ATP11B: variants seen among roughly 807,000 people sequenced by gnomAD.
The protein encoded by ATP11B is ATPase phospholipid transporting 11B (putative), also known as phospholipid-transporting ATPase IF.
In ATP11B, 81 loss-of-function variants were observed where a neutral mutation model predicts 157.8. The observed-to-expected ratio is 0.51, with a 90% CI of 0.43 to 0.62. ATP11B has a LOEUF of 0.62. Among genes scored for constraint, ATP11B ranks in the 20% least tolerant of loss-of-function variants. The probability of loss-of-function intolerance (pLI) is 0.00; values close to 1 mark genes in which losing one functional copy is unlikely to be tolerated. For synonymous variants in ATP11B, 451 were observed against 469.4 expected (o/e 0.96, Z 0.51); for missense variants, 1,165 against 1,402.2 (o/e 0.83, Z 2.70).
intron 29 of ATP11B, chr3:182,914,271 G>C (rs1724997674): frequency 6.7e-6 from 8 of 1,187,330 alleles, no homozygotes; most frequent in African/African-American, 1.6e-5. Flanking sequence ...TGCTCAGTAG[G>C]AGTGTGTTTA....
Position 182,899,862 on chromosome 3 carries a change from TCA to T in ATP11B, c.3318+1091_3318+1092del, listed in dbSNP as rs564476058. ...GACTAGTACGTGAGCTAGAAATCTC[TCA>T]GTTTGTCCTTTTAACTCTATCGTAT... is the stretch of plus-strand genomic sequence containing the variant. On this transcript the variant is annotated intron_variant, in intron 28 of 29. Coordinates refer to ENST00000323116, the MANE Select transcript of ATP11B (RefSeq NM_014616.3). Among the ~76,000 whole-genome samples the T allele has an allele frequency of 1.0e-3, 150 of 147,664 alleles. 1 individual carries two copies. In the Middle Eastern group the frequency reaches 0.027, roughly 27 times the overall value.
At chr3:182,915,938 G>T in intron 29 of ATP11B, 1 of 981,202 alleles carries the variant, frequency 1.0e-6, no homozygotes. Flanking sequence ...TGCCCTTCCA[G>T]GTTTCTCCAA....
chr3:182,891,961 A>G (rs1244610099), intron 25 of ATP11B, among the ~76,000 whole-genome samples: 1 of 152,372 alleles, frequency 6.6e-6, no homozygotes, highest in African/African-American at 2.4e-5. Flanking sequence ...AGCATTAAGC[A>G]TAGTGGCTAG....
chr3:182,825,815 G>A (rs1232688590), intron 2 of ATP11B, among the ~76,000 whole-genome samples: 3 of 151,924 alleles, frequency 2.0e-5, no homozygotes, highest in Non-Finnish European at 4.4e-5. Context: ...CATGAGAATC[G>A]CTTGAACTCA....
intron 8 of ATP11B, chr3:182,843,519 A>G (rs1331886062): frequency 6.6e-6 from 1 of 152,218 alleles, no homozygotes; most frequent in African/African-American, 2.4e-5. Context: ...TTAGTGGTCA[A>G]TCCAGAACCG....
chr3:182,849,328 G>A (rs1198727107), intron 10 of ATP11B, among the ~76,000 whole-genome samples: 1 of 152,180 alleles, frequency 6.6e-6, no homozygotes, highest in South Asian at 2.1e-4. Context: ...CTCTTCTGAG[G>A]AACATAAAAG....
chr3:182,900,899 A>T (rs1158554611), intron 28 of ATP11B, among the ~76,000 whole-genome samples: 1 of 151,976 alleles, frequency 6.6e-6, no homozygotes, highest in Non-Finnish European at 1.5e-5. Context: ...TTAAAAAAAT[A>T]GGCCAGGCAT....
At chr3:182,897,193 G>A (rs1000127472) in intron 26 of ATP11B, 110 bp from the exon 27 acceptor site, 1 of 607,554 alleles carries the variant, frequency 1.6e-6, no homozygotes, top group Admixed American at 3.0e-5. Context: ...GATTGTATCT[G>A]TCTTCTGAGA....
Position 182,794,049 on chromosome 3 carries a change from T to A in ATP11B, c.27+263T>A, listed in dbSNP as rs537890160. On this transcript the variant is annotated intron_variant, in intron 1 of 29. Coordinates refer to ENST00000323116, the MANE Select transcript of ATP11B (RefSeq NM_014616.3). ...TTCTAGCCGGCGCTTCTCCGTTACT[T>A]CTTCCCCCTTGCCGCTCCGGGGCTG... Among the ~76,000 whole-genome samples, 5 of 152,206 alleles carry A rather than the reference T, an allele frequency of 3.3e-5. No homozygotes were observed. In the South Asian group the frequency reaches 8.3e-4, roughly 25 times the overall value.
At chr3:182,873,749 G>A (rs1721833395) in intron 18 of ATP11B, 63 bp from the exon 19 acceptor site, 3 of 1,347,350 alleles carry the variant, frequency 2.2e-6, no homozygotes, top group East Asian at 2.3e-5. Flanking sequence ...ATACTATGTA[G>A]TTTAACTTAA....
chr3:182,842,418 G>C (rs1347168375), intron 8 of ATP11B, among the ~76,000 whole-genome samples: 1 of 152,152 alleles, frequency 6.6e-6, no homozygotes, highest in Non-Finnish European at 1.5e-5. Context: ...CAGATGAAGA[G>C]ATGCTCAGGG....
At chr3:182,873,502 G>A (rs527490005) in intron 18 of ATP11B, among the ~76,000 whole-genome samples, 52 of 152,076 alleles carry the variant, frequency 3.4e-4, no homozygotes, top group African/African-American at 1.2e-3. Flanking sequence ...GTAAGACTTC[G>A]TAATAAAACA....
At chr3:182,861,065 C>CTT (rs35183352) in intron 12 of ATP11B, among the ~76,000 whole-genome samples, 16,833 of 137,322 alleles carry the variant, frequency 0.12, 1,325 homozygotes, top group African/African-American at 0.19. Context: ...AACAATAATA[C>CTT]TTTTTTTTTT....
In ATP11B at chr3:182,919,538, C is replaced by A. The variant is rs775935112; in HGVS notation, c.*1434C>A. ...TTAGCTTGAGAACTATTACCCAGCT[C>A]TAAGCAAATAATGATTGTATACATA... On this transcript the variant is annotated 3_prime_UTR_variant, in exon 30 of 30. Transcript: ENST00000323116. The A allele has an allele frequency of 6.6e-6, 1 of 152,492 alleles. No individual in the cohort carries two copies. Among genetic ancestry groups the A allele is most frequent in the Non-Finnish European group, 1.5e-5 (1 of 68,024 alleles). 9.4% of individuals were successfully genotyped at this position (152,492 alleles called of 1,614,324 possible).
chr3:182,902,304 T>G (rs1366234116), intron 28 of ATP11B, among the ~76,000 whole-genome samples: 1 of 152,208 alleles, frequency 6.6e-6, no homozygotes, highest in Non-Finnish European at 1.5e-5. Flanking sequence ...AATAAATTCT[T>G]TTGATGGCAC....
chr3:182,813,821 G>A (rs1364447521), intron 1 of ATP11B, among the ~76,000 whole-genome samples: 4 of 151,802 alleles, frequency 2.6e-5, no homozygotes, highest in Non-Finnish European at 4.4e-5. Context: ...TTGACCTCCT[G>A]GACCCAAGTG....
Position 182,886,382 on chromosome 3 carries a change from G to T in ATP11B, c.2715+372G>T, listed in dbSNP as rs571839910. Among the ~76,000 whole-genome samples the T allele has an allele frequency of 4.6e-5, 7 of 152,192 alleles. No individual in the cohort carries two copies. In the South Asian group the frequency reaches 1.2e-3, roughly 27 times the overall value. ...TTTATTTTTGATTCGAAATGTCTTA[G>T]GTTTGGAAGGAGCAGTAGTGATTTA... On this transcript the variant is annotated intron_variant, in intron 23 of 29. Coordinates refer to ENST00000323116, the MANE Select transcript of ATP11B (RefSeq NM_014616.3).
Position 182,874,019 on chromosome 3 carries a change from A to C in ATP11B, c.2252+4A>C, listed in dbSNP as rs1415614276. 6.2e-7 allele frequency: 1 copy of C among 1,612,500 alleles called. No individual in the cohort carries two copies. The highest frequency in any genetic ancestry group is 8.5e-7 in the Non-Finnish European group (1 of 1,179,070). The stretch of plus-strand genomic sequence containing the variant: ...AATTGAGGCAGCTTGCCAGAAGGTA[A>C]GAATATAGGAACCTGTATCATACCT... On this transcript the variant is annotated splice_donor_region_variant and intron_variant, in intron 19 of 29. Coordinates refer to ENST00000323116, the MANE Select transcript of ATP11B (RefSeq NM_014616.3).
At chr3:182,844,088 A>G (rs550783014) in intron 8 of ATP11B, 2 of 152,350 alleles carry the variant, frequency 1.3e-5, no homozygotes, top group South Asian at 2.1e-4. Flanking sequence ...GGTTAAAAAA[A>G]TGAACCATGT....
Sources: allele counts gnomAD v4.1 joint callset (sites outside exome capture counted in the v4.1 genomes callset), GRCh38; gene constraint gnomAD v4.1.1; transcripts MANE v1.5; gene names NCBI Gene and HGNC (gene_info 2026-07-23, HGNC 2026-07-21).